CCDC33: variants seen among roughly 807,000 people sequenced by gnomAD.
The protein encoded by CCDC33 is coiled-coil domain containing 33.
CCDC33 carries 94 observed loss-of-function variants against 91.9 expected under a neutral mutation model. The ratio of observed to expected loss-of-function variants is 1.02; its 90% CI spans 0.87 to 1.21. CCDC33 has a LOEUF of 1.21. Ranked by LOEUF, CCDC33 falls within the 50% of genes most tolerant of loss-of-function variation. The pLI is 0.00. For missense variants in CCDC33, 940 were observed against 935.5 expected, an observed-to-expected ratio of 1.00 and a Z score of -0.06; for synonymous variants, 396 against 374.5, an observed-to-expected ratio of 1.06 and a Z score of -0.66.
chr15:74,329,161 C>CAT (rs143161165), intron 11 of CCDC33, among the ~76,000 whole-genome samples: 4,841 of 149,148 alleles, frequency 0.032, 208 homozygotes, highest in African/African-American at 0.096. Context: ...TATTAATTTT[C>CAT]ATATATATAT....
chr15:74,263,378 G>C (rs2142379719), intron 3 of CCDC33, among the ~76,000 whole-genome samples: 1 of 152,286 alleles, frequency 6.6e-6, no homozygotes, highest in East Asian at 1.9e-4. Context: ...TCTTGCAGGT[G>C]GTCTCTCCCT....
At chr15:74,285,287 C>T (rs1430034362) in intron 10 of CCDC33, among the ~76,000 whole-genome samples, 2 of 152,232 alleles carry the variant, frequency 1.3e-5, no homozygotes, top group Non-Finnish European at 2.9e-5. Context: ...CCACACCCGC[C>T]ACTACCACGT....
At chr15:74,210,453 C>T (rs2074350811) in intron 2 of CCDC33, among the ~76,000 whole-genome samples, 1 of 152,166 alleles carries the variant, frequency 6.6e-6, no homozygotes, top group South Asian at 2.1e-4. Flanking sequence ...AAATCGTGAT[C>T]TCATTTTATG....
At chr15:74,311,688 G>A (rs181142786) in intron 11 of CCDC33, 66 of 152,334 alleles carry the variant, frequency 4.3e-4, no homozygotes, top group Admixed American at 3.9e-3. Context: ...ATGACAGCGG[G>A]AGGCTGGCTT....
rs559554621 is a variant in CCDC33 at position 74,256,316 on chromosome 15, C to A, written c.186-6124C>A. ...CACGAGTTAAGCAGGGAATGAGAAT[C>A]AGAATGACAGGAATCAGAAGAGTCC... On this transcript the variant is annotated intron_variant, in intron 2 of 18. Transcript: ENST00000398814. Among the ~76,000 whole-genome samples the A allele has an allele frequency of 3.9e-5, 6 of 152,280 alleles. No individual in the cohort carries two copies. The East Asian group carries it at 1.2e-3, about 29-fold the overall frequency.
At chr15:74,329,346 G>A (rs1309490790) in intron 11 of CCDC33, among the ~76,000 whole-genome samples, 2 of 152,236 alleles carry the variant, frequency 1.3e-5, no homozygotes, top group African/African-American at 4.8e-5. Context: ...GTCCCTGCAG[G>A]CCTGGATTTC....
chr15:74,336,204 C>G, downstream of CCDC33: 1 of 1,440,578 alleles, frequency 6.9e-7, no homozygotes, highest in South Asian at 1.4e-5. Context: ...CTAGACCTCA[C>G]TCTGGGCCTG....
At chr15:74,313,612 GT>G (rs1244214656) in intron 11 of CCDC33, among the ~76,000 whole-genome samples, 1 of 151,840 alleles carries the variant, frequency 6.6e-6, no homozygotes, top group Non-Finnish European at 1.5e-5. Flanking sequence ...TAGAGACGGG[GT>G]TTCGCCATAT....
rs369908109 is a variant in CCDC33 at position 74,330,794 on chromosome 15, G to C, written c.1545+43G>C. ...GGGGCAGAGGGGAGGGAGCTATGGT[G>C]GGGGAGCATCGGGGTGAGAAGAGTC... On this transcript the variant is annotated intron_variant, in intron 13 of 18. Transcript: ENST00000398814. 49 of 1,562,716 alleles carry C rather than the reference G, an allele frequency of 3.1e-5. No individual in the cohort carries two copies. The East Asian group carries it at 4.5e-4, about 14-fold the overall frequency.
chr15:74,246,759 C>T (rs546281902), intron 2 of CCDC33, among the ~76,000 whole-genome samples: 6 of 152,292 alleles, frequency 3.9e-5, no homozygotes, highest in African/African-American at 7.2e-5. Flanking sequence ...GAGCACAGCA[C>T]GGAGGTTCCT....
intron 15 of CCDC33, among the ~76,000 whole-genome samples, chr15:74,331,684 C>T (rs1273736638): frequency 6.6e-6 from 1 of 152,206 alleles, no homozygotes; most frequent in Non-Finnish European, 1.5e-5. Context: ...TTCCCCATAC[C>T]GCCAAAGATT....
intron 1 of CCDC33, chr15:74,208,813 C>T: frequency 1.0e-6 from 1 of 988,474 alleles, no homozygotes. Context: ...CAATCAAGCG[C>T]TCTCCTGACC....
chr15:74,281,869 G>A lies in CCDC33; in HGVS notation c.1095+20G>A, dbSNP rs375094332. 1 of 1,607,702 alleles carries A rather than the reference G, an allele frequency of 6.2e-7. No homozygotes were observed. The highest frequency in any genetic ancestry group is 8.5e-7 in the Non-Finnish European group (1 of 1,174,650). ...TCTGAGGTAAGGCTGTGGGCCAGGG[G>A]AGGGTCAGGGCCAGCAGGCACATGT... is the stretch of plus-strand genomic sequence containing the variant. On this transcript the variant is annotated intron_variant, in intron 10 of 18. Coordinates refer to ENST00000398814, the MANE Select transcript of CCDC33 (RefSeq NM_025055.5).
upstream of CCDC33, among the ~76,000 whole-genome samples, chr15:74,231,571 C>T (rs2074972268): frequency 6.6e-6 from 1 of 152,196 alleles, no homozygotes; most frequent in African/African-American, 2.4e-5. Context: ...GACTCCTTTC[C>T]CAGAGTGAAA....
intron 4 of CCDC33, among the ~76,000 whole-genome samples, chr15:74,267,521 T>G (rs1265333784): frequency 6.6e-6 from 1 of 150,868 alleles, no homozygotes; most frequent in South Asian, 2.1e-4. Flanking sequence ...GGGGTAGAAT[T>G]CACTCTCTCA....
At chr15:74,278,705 C>A (rs2076513577) in intron 7 of CCDC33, among the ~76,000 whole-genome samples, 1 of 152,278 alleles carries the variant, frequency 6.6e-6, no homozygotes. Context: ...CCCAGCCAGA[C>A]CTTCCTTCAG....
At chr15:74,265,204 C>G (rs968042826) in intron 3 of CCDC33, among the ~76,000 whole-genome samples, 3 of 152,082 alleles carry the variant, frequency 2.0e-5, no homozygotes, top group South Asian at 2.1e-4. Context: ...CCCGCTGAAC[C>G]TGCTGAGCCC....
At chr15:74,324,663 A>G (rs554350452) in intron 11 of CCDC33, among the ~76,000 whole-genome samples, 33 of 151,130 alleles carry the variant, frequency 2.2e-4, no homozygotes, top group Middle Eastern at 6.8e-3. Context: ...CAAGGCTCCA[A>G]TGGAACCAGG....
intron 1 of CCDC33, among the ~76,000 whole-genome samples, chr15:74,240,817 T>C (rs1252969729): frequency 1.3e-5 from 2 of 152,228 alleles, no homozygotes; most frequent in Admixed American, 1.3e-4. Flanking sequence ...GGTCTCGATC[T>C]CCCAGCCTCC....
Sources: gnomAD v4.1 joint callset for allele counts (sites outside exome capture counted in the v4.1 genomes callset) on GRCh38, gnomAD v4.1.1 for gene constraint, MANE v1.5 for transcripts, NCBI Gene and HGNC (gene_info 2026-07-23, HGNC 2026-07-21) for gene names.